Variants in ANK1 observed in about 807,000 individuals in gnomAD.
ANK1 encodes ankyrin 1.
A neutral mutation model predicts 210.4 loss-of-function variants in ANK1; 51 were observed. The observed-to-expected ratio is 0.24, with a 90% CI of 0.19 to 0.31. ANK1 has a LOEUF of 0.31. Ranked by LOEUF, ANK1 falls within the 10% of genes least tolerant of loss-of-function variation. The probability of loss-of-function intolerance (pLI) is 1.00; values close to 1 mark genes in which losing one functional copy is unlikely to be tolerated. For missense variants in ANK1, 2,051 were observed against 2,504.4 expected (o/e 0.82, Z 3.86); for synonymous variants, 967 against 1,025.9 (o/e 0.94, Z 1.10).
intron 1 of ANK1, among the ~76,000 whole-genome samples, chr8:41,855,042 T>C (rs1811946295): frequency 6.6e-6 from 1 of 152,162 alleles, no homozygotes; most frequent in Non-Finnish European, 1.5e-5. Flanking sequence ...AGGTGATTCA[T>C]GTGCATATAA....
chr8:41,661,710 G>A lies in ANK1; in HGVS notation c.5545-146C>T, dbSNP rs778925149. On this transcript the variant is annotated intron_variant, in intron 41 of 42. Coordinates refer to ENST00000289734, the MANE Select transcript of ANK1 (RefSeq NM_000037.4). ...GACTGGAGAGAGAGCTCATAAAGAG[G>A]TGAGTGGAGGGAGGTGTCATGCAGA... is the stretch of plus-strand genomic sequence containing the variant. 4 of 1,597,584 alleles carry A rather than the reference G, an allele frequency of 2.5e-6. No homozygotes were observed. The African/African-American group carries it at 5.4e-5, about 21-fold the overall frequency.
chr8:41,758,580 G>A (rs1389941534), intron 1 of ANK1, among the ~76,000 whole-genome samples: 1 of 151,400 alleles, frequency 6.6e-6, no homozygotes, highest in East Asian at 2.0e-4. Flanking sequence ...GAGCTCAAGC[G>A]ATCCTTCCAC....
At chr8:41,890,896 T>C (rs1819316228) in intron 1 of ANK1, among the ~76,000 whole-genome samples, 1 of 152,186 alleles carries the variant, frequency 6.6e-6, no homozygotes, top group Non-Finnish European at 1.5e-5. Context: ...TAGTTAAATG[T>C]AGCTTTTCAA....
chr8:41,679,878 A>G (rs569739716), intron 37 of ANK1, among the ~76,000 whole-genome samples: 1 of 152,226 alleles, frequency 6.6e-6, no homozygotes, highest in Admixed American at 6.5e-5. Flanking sequence ...TGGACTTTCA[A>G]AATGGTAAAC....
At chr8:41,777,249 GC>G (rs1426648124) in intron 1 of ANK1, among the ~76,000 whole-genome samples, 7 of 152,090 alleles carry the variant, frequency 4.6e-5, no homozygotes, top group Non-Finnish European at 8.8e-5. Flanking sequence ...TGTCTAGGGG[GC>G]CCCCTCTTAA....
chr8:41,715,901 C>T, intron 13 of ANK1, 52 bp from the exon 14 acceptor site: 1 of 1,608,582 alleles, frequency 6.2e-7, no homozygotes, highest in Non-Finnish European at 8.5e-7. Context: ...TTACCAAATC[C>T]AACTTTTCAT....
rs183105627 is a variant in ANK1, at chr8:41,833,586, A to T, written c.126+62769T>A. 1.3e-4 allele frequency among the ~76,000 whole-genome samples: 20 copies of T among 152,326 alleles called. No individual in the cohort carries two copies. In the East Asian group the frequency reaches 1.3e-3, roughly 10 times the overall value. ...GTTGTGAAAAGAAAGAAAGCCGAAG[A>T]TGGGAATGGTCACCGTACAAGTCTA... On this transcript the variant is annotated intron_variant, in intron 1 of 42. Transcript: ENST00000265709.
chr8:41,669,432 G>A (rs1310436443), intron 38 of ANK1, among the ~76,000 whole-genome samples: 1 of 152,026 alleles, frequency 6.6e-6, no homozygotes, highest in African/African-American at 2.4e-5. Flanking sequence ...GAGTAGCTGG[G>A]ACTGCAGGCA....
chr8:41,844,138 G>A (rs1375729092), intron 1 of ANK1, among the ~76,000 whole-genome samples: 1 of 152,214 alleles, frequency 6.6e-6, no homozygotes, highest in Non-Finnish European at 1.5e-5. Context: ...TTCCCAAAGT[G>A]TTGGGATTAC....
chr8:41,894,797 G>T (rs1246916136), intron 1 of ANK1, among the ~76,000 whole-genome samples: 1 of 151,854 alleles, frequency 6.6e-6, no homozygotes, highest in African/African-American at 2.4e-5. Flanking sequence ...TCCCCTGCCT[G>T]ACTCACAAGA....
At chr8:41,811,077 C>A (rs1352840031) in intron 1 of ANK1, among the ~76,000 whole-genome samples, 1 of 152,154 alleles carries the variant, frequency 6.6e-6, no homozygotes, top group Non-Finnish European at 1.5e-5. Flanking sequence ...AGTTATAAAT[C>A]TTGCCTGCCC....
At chr8:41,888,413 C>T (rs934464416) in intron 1 of ANK1, among the ~76,000 whole-genome samples, 1 of 152,330 alleles carries the variant, frequency 6.6e-6, no homozygotes, top group Admixed American at 6.5e-5. Flanking sequence ...TAGGGGCAGG[C>T]GACAGAACCA....
At chr8:41,716,818 G>T in intron 13 of ANK1, 135 bp downstream of exon 13, 1 of 905,928 alleles carries the variant, frequency 1.1e-6, no homozygotes, top group Non-Finnish European at 1.9e-6. Context: ...TGGGCGCTCA[G>T]AGTGACCTGA....
chr8:41,698,552 A>C (rs1821758545), intron 23 of ANK1, among the ~76,000 whole-genome samples: 2 of 152,270 alleles, frequency 1.3e-5, no homozygotes, highest in South Asian at 4.2e-4. Context: ...ATCTTTTCAG[A>C]AAACACCTAG....
intron 2 of ANK1, 94 bp from the exon 3 acceptor site, chr8:41,734,163 G>T (rs1188614618): frequency 2.8e-6 from 3 of 1,082,688 alleles, no homozygotes; most frequent in African/African-American, 3.1e-5. Context: ...CAGCCCTGAG[G>T]TGTTCACAGC....
At chr8:41,730,659 A>C (rs1183877502) in intron 3 of ANK1, among the ~76,000 whole-genome samples, 1 of 152,214 alleles carries the variant, frequency 6.6e-6, no homozygotes, top group Non-Finnish European at 1.5e-5. Context: ...TTTTCATAGA[A>C]GTCCAAAGAG....
intron 1 of ANK1, among the ~76,000 whole-genome samples, chr8:41,838,813 A>C (rs1397984770): frequency 7.6e-6 from 1 of 131,464 alleles, no homozygotes; most frequent in Non-Finnish European, 1.6e-5. Flanking sequence ...GCGGTGGCTC[A>C]TGCCCATAAT....
Position 41,693,023 on chromosome 8 carries a change from G to A in ANK1, c.3629+82C>T, listed in dbSNP as rs150321557. 1.7e-4 allele frequency: 253 copies of A among 1,520,284 alleles called. 1 individual carries two copies. The African/African-American group carries it at 2.2e-3, about 13-fold the overall frequency. The allele number at this position is 1,520,284 out of a possible 1,614,324, so 94.2% of individuals were successfully genotyped here. A position where few individuals can be genotyped will look rare whatever the true frequency, so the allele number is the denominator to read the frequency against. ...CTTCCACATGGAGGGGACAGTGAGG[G>A]AGCCTCAGCCTCAGGCCTGGACGGC... On this transcript the variant is annotated intron_variant, in intron 30 of 42. Transcript: ENST00000289734.
intron 1 of ANK1, among the ~76,000 whole-genome samples, chr8:41,873,908 T>A (rs1003572328): frequency 1.3e-5 from 2 of 152,064 alleles, no homozygotes; most frequent in Non-Finnish European, 1.5e-5. Flanking sequence ...GACAAGTTAC[T>A]CCAGGAGCCA....
Sources: gnomAD v4.1 joint callset for allele counts (sites outside exome capture counted in the v4.1 genomes callset) on GRCh38, gnomAD v4.1.1 for gene constraint, MANE v1.5 for transcripts, NCBI Gene and HGNC (gene_info 2026-07-23, HGNC 2026-07-21) for gene names.